C19orf81: variants seen among roughly 807,000 people sequenced by gnomAD.
C19orf81 encodes putative uncharacterized protein C19orf81.
A neutral mutation model predicts 22.1 loss-of-function variants in C19orf81; 19 were observed. The observed-to-expected ratio is 0.86, with a 90% confidence interval of 0.60 to 1.26. The LOEUF is 1.26. Among genes scored for constraint, C19orf81 ranks in the 50% most tolerant of loss-of-function variants. The pLI is 0.00. For synonymous variants in C19orf81, 108 were observed against 113.1 expected, an observed-to-expected ratio of 0.95 and a Z score of 0.29; for missense variants, 287 against 280.7, an observed-to-expected ratio of 1.02 and a Z score of -0.16.
Position 50,656,352 on chromosome 19 carries a change from T to G in C19orf81, c.261+6T>G, listed in dbSNP as rs745596786. The G allele has an allele frequency of 1.3e-6, 2 of 1,533,362 alleles. No individual in the cohort carries two copies. The highest frequency in any genetic ancestry group is 1.7e-6 in the Non-Finnish European group (2 of 1,145,240). 95.0% of individuals were successfully genotyped at this position (1,533,362 alleles called of 1,614,324 possible). ...GCCTCTGCATGGAGACCTTGGTGAG[T>G]GGACCTGTGCCCTTATTTTCTGCAC... On this transcript the variant is annotated splice_donor_region_variant and intron_variant, in intron 3 of 4. Transcript: ENST00000425202.
chr19:50,653,706 AC>A (rs1984929027), intron 1 of C19orf81, among the ~76,000 whole-genome samples: 2 of 149,570 alleles, frequency 1.3e-5, no homozygotes, highest in African/African-American at 4.9e-5. Flanking sequence ...ACACACACAC[AC>A]ACACACACAC....
At position 50,659,190 on chromosome 19, in the gene C19orf81, G is replaced by C; in HGVS notation, c.*48G>C. ...GCTTGCGCACCGCCCCGCGGGCTGG[G>C]GCCACCCACCCGGAGCCCCGGAGGA... On this transcript the variant is annotated 3_prime_UTR_variant, in exon 5 of 5. Coordinates refer to ENST00000425202, the MANE Select transcript of C19orf81 (RefSeq NM_001195076.2). 7.9e-7 allele frequency: 1 copy of C among 1,267,294 alleles called. No homozygotes were observed. Among genetic ancestry groups the C allele is most frequent in the South Asian group, 2.7e-5 (1 of 36,726 alleles). The allele number at this position is 1,267,294 out of a possible 1,614,324, so 78.5% of individuals were successfully genotyped here.
chr19:50,656,175 T>A, intron 2 of C19orf81, 51 bp from the exon 3 acceptor site: 8 of 1,536,148 alleles, frequency 5.2e-6, no homozygotes, highest in Non-Finnish European at 7.0e-6. Context: ...CCAAATGTGA[T>A]GGCAGTGAAC....
intron 1 of C19orf81, among the ~76,000 whole-genome samples, chr19:50,650,901 C>T (rs1440163899): frequency 6.6e-6 from 1 of 152,180 alleles, no homozygotes; most frequent in Non-Finnish European, 1.5e-5. Context: ...ACTGAGGCAC[C>T]CACGTGACAT....
chr19:50,652,846 A>G (rs772906839), intron 1 of C19orf81, among the ~76,000 whole-genome samples: 17 of 152,184 alleles, frequency 1.1e-4, no homozygotes, highest in Middle Eastern at 6.8e-3. Context: ...GGTGAGAGGA[A>G]GGCACCTGGG....
intron 4 of C19orf81, 51 bp from the exon 5 acceptor site, chr19:50,658,896 C>T (rs1013353277): frequency 7.3e-7 from 1 of 1,374,428 alleles, no homozygotes; most frequent in African/African-American, 1.5e-5. Flanking sequence ...CGATCAAAGC[C>T]AGGGCTGAAA....
chr19:50,651,953 T>G (rs1984886984), intron 1 of C19orf81, among the ~76,000 whole-genome samples: 1 of 152,224 alleles, frequency 6.6e-6, no homozygotes, highest in African/African-American at 2.4e-5. Context: ...ACTTTTTGAT[T>G]CATTTAACGC....
At chr19:50,657,334 G>C (rs1985018282) in intron 3 of C19orf81, among the ~76,000 whole-genome samples, 2 of 152,178 alleles carry the variant, frequency 1.3e-5, no homozygotes, top group Non-Finnish European at 2.9e-5. Context: ...TCTCACCCCA[G>C]TCAAGGAATG....
chr19:50,653,722 A>G (rs919432034), intron 1 of C19orf81, among the ~76,000 whole-genome samples: 118 of 146,002 alleles, frequency 8.1e-4, no homozygotes, highest in Non-Finnish European at 1.3e-3. Flanking sequence ...ACACACACAC[A>G]CACACACACA....
In C19orf81 at chr19:50,659,055, G is replaced by A. The variant is rs1166800503; in HGVS notation, c.510G>A (p.Leu170=). The A allele has an allele frequency of 6.5e-7, 1 of 1,529,006 alleles. No homozygotes were observed. The highest frequency in any genetic ancestry group is 1.4e-5 in the African/African-American group (1 of 72,462). The allele number at this position is 1,529,006 out of a possible 1,614,324, so 94.7% of individuals were successfully genotyped here. The stretch of plus-strand genomic sequence containing the variant: ...TCGTGCGCCACGACGACCTCCTGCT[G>A]GGCGACTACCGCCTGCACCTGCGCC... ...HQIVRHDDLL[L]GDYRLHLRRS... Residue 170 remains leucine, a synonymous_variant, in exon 5 of 5, where the codon CTG becomes CTA. Transcript: ENST00000425202.
At chr19:50,650,620 A>G (rs1003509731) in intron 1 of C19orf81, among the ~76,000 whole-genome samples, 13 of 152,186 alleles carry the variant, frequency 8.5e-5, no homozygotes, top group Non-Finnish European at 1.6e-4. Flanking sequence ...GCAGCGAGCC[A>G]AGATTGTGCC....
chr19:50,658,087 G>A lies in C19orf81; in HGVS notation c.360G>A (p.Glu120=). The A allele has an allele frequency of 1.3e-6, 2 of 1,535,900 alleles. No individual in the cohort carries two copies. Among genetic ancestry groups the A allele is most frequent in the East Asian group, 4.9e-5 (2 of 40,910 alleles). ...GGCGCGTGAGCAGCATCCGCTTTGA[G>A]AACATGAACGTCATCTGTGGGACTG... ...ESGRVSSIRF[E]NMNVICGTAG... The change falls in exon 4 of 5, where the codon GAG becomes GAA. Residue 120 remains glutamate (E), a synonymous_variant. Coordinates refer to ENST00000425202, the MANE Select transcript of C19orf81 (RefSeq NM_001195076.2).
At chr19:50,654,938 G>C (rs946077926) in intron 1 of C19orf81, among the ~76,000 whole-genome samples, 1 of 152,204 alleles carries the variant, frequency 6.6e-6, no homozygotes, top group Non-Finnish European at 1.5e-5. Flanking sequence ...TTAGAGATAA[G>C]AGTTCCTCCC....
chr19:50,649,940 C>T (rs1317445142), intron 1 of C19orf81: 2 of 432,728 alleles, frequency 4.6e-6, no homozygotes, highest in African/African-American at 2.0e-5. Context: ...AATTCCCTCC[C>T]ACAGCCCATC....
At chr19:50,655,968 C>T in intron 1 of C19orf81, 82 bp from the exon 2 acceptor site, 1 of 1,342,016 alleles carries the variant, frequency 7.5e-7, no homozygotes. Context: ...GTGGCATGGG[C>T]AAGCAATTGG....
chr19:50,652,956 G>A (rs1262206228), intron 1 of C19orf81, among the ~76,000 whole-genome samples: 2 of 152,190 alleles, frequency 1.3e-5, no homozygotes, highest in Non-Finnish European at 2.9e-5. Flanking sequence ...TAACCTCTCT[G>A]TGCTTCTGTT....
chr19:50,658,942 T>C lies in C19orf81; in HGVS notation c.402-5T>C. The C allele has an allele frequency of 2.7e-6, 4 of 1,476,116 alleles. No individual in the cohort carries two copies. The highest frequency in any genetic ancestry group is 3.6e-6 in the Non-Finnish European group (4 of 1,110,418). 91.4% of individuals were successfully genotyped at this position (1,476,116 alleles called of 1,614,324 possible). On this transcript the variant is annotated splice_region_variant and splice_polypyrimidine_tract_variant and intron_variant, in intron 4 of 4. Transcript: ENST00000425202. ...GTTCCTTTTCCGTCCCCACCCCCCT[T>C]ACAGGTGGCTCATCGCGGTCACGGA...
rs1053103908 is a variant in C19orf81 at position 50,658,479 on chromosome 19, C to T, written c.401+351C>T. 5 of 286,294 alleles carry T rather than the reference C, an allele frequency of 1.7e-5. No individual in the cohort carries two copies. The East Asian group carries it at 2.3e-4, about 13-fold the overall frequency. 17.7% of individuals were successfully genotyped at this position (286,294 alleles called of 1,614,324 possible). A position where few individuals can be genotyped will look rare whatever the true frequency, so the allele number is the denominator to read the frequency against. On this transcript the variant is annotated intron_variant, in intron 4 of 4. Transcript: ENST00000425202. ...AGTGAGCGCGGTTGGAGGTAAGGTC[C>T]GGTGAGATCAGAGAGAAGGAGGGAT...
At chr19:50,654,599 G>A (rs1329786338) in intron 1 of C19orf81, among the ~76,000 whole-genome samples, 2 of 147,570 alleles carry the variant, frequency 1.4e-5, no homozygotes, top group South Asian at 2.1e-4. Flanking sequence ...ACCAGGCTCC[G>A]TCCCTCCCTC....
Sources: gnomAD v4.1 joint callset for allele counts (sites outside exome capture counted in the v4.1 genomes callset) on GRCh38, gnomAD v4.1.1 for gene constraint, MANE v1.5 for transcripts, NCBI Gene and HGNC (gene_info 2026-07-23, HGNC 2026-07-21) for gene names.